CYGB: variants seen among roughly 807,000 people sequenced by gnomAD.
CYGB encodes histoglobin.
Under a neutral mutation model 20.7 loss-of-function variants are expected in CYGB, and 13 were observed. The observed-to-expected ratio is 0.63, with a 90% CI of 0.41 to 1.00. The LOEUF is 1.00. Ranked by LOEUF, CYGB falls within the 50% of genes least tolerant of loss-of-function variation. The probability of loss-of-function intolerance (pLI) is 0.00; values close to 1 mark genes in which losing one functional copy is unlikely to be tolerated. For missense variants in CYGB, 218 were observed against 257.2 expected (o/e 0.85, Z 1.04); for synonymous variants, 93 against 107.4 (o/e 0.87, Z 0.83).
In CYGB at chr17:76,530,951, C is replaced by T; in HGVS notation, c.539+28G>A. The T allele has an allele frequency of 6.5e-7, 1 of 1,541,674 alleles. No individual in the cohort carries two copies. Among genetic ancestry groups the T allele is most frequent in the Non-Finnish European group, 8.8e-7 (1 of 1,140,524 alleles). ...AGCAGAGGACATGGCGGGGAGGCTG[C>T]CCAGCCCACCCTCGCCCGCCTCCTC... On this transcript the variant is annotated intron_variant, in intron 3 of 3. Coordinates refer to ENST00000293230, the MANE Select transcript of CYGB (RefSeq NM_134268.5). The surrounding 1 kb of genome is among the most constrained non-coding windows in gnomAD (Gnocchi z 6.1).
chr17:76,546,870 G>A lies in CYGB; in HGVS notation c.-53+3992C>T, dbSNP rs1269311131. 1 of 152,216 alleles carries A rather than the reference G, an allele frequency of 6.6e-6. No homozygotes were observed. Among genetic ancestry groups the A allele is most frequent in the Admixed American group, 6.5e-5 (1 of 15,282 alleles). The allele number at this position is 152,216 out of a possible 1,614,324, so 9.4% of individuals were successfully genotyped here. A position where few individuals can be genotyped will look rare whatever the true frequency, so the allele number is the denominator to read the frequency against. ...TCATTTATCCAATAAGGAAAGTGAG[G>A]TTCACAGAACTTGCTCAAGGTCACT... is the stretch of plus-strand genomic sequence containing the variant. On this transcript the variant is annotated intron_variant, in intron 1 of 3. Transcript: ENST00000589145. The surrounding 1 kb of genome is among the most constrained non-coding windows in gnomAD (Gnocchi z 4.5).
At chr17:76,549,483 A>C (rs2075086851) in intron 1 of CYGB, among the ~76,000 whole-genome samples, 1 of 152,248 alleles carries the variant, frequency 6.6e-6, no homozygotes, top group Admixed American at 6.5e-5. Flanking sequence ...GACCATAGTA[A>C]GTACTGTCCA....
chr17:76,529,669 T>C (rs2074811382), intron 3 of CYGB: 7 of 985,290 alleles, frequency 7.1e-6, no homozygotes, highest in Non-Finnish European at 8.4e-6. Context: ...GCAAGCCCCC[T>C]CCCCTCCTCT....
intron 3 of CYGB, chr17:76,529,346 C>A (rs1315632265): frequency 1.0e-6 from 1 of 985,318 alleles, no homozygotes; most frequent in Non-Finnish European, 1.2e-6. Context: ...TCCACGGTAG[C>A]CCATCTCCAT....
At chr17:76,532,736 C>T (rs2074862270) in intron 1 of CYGB, among the ~76,000 whole-genome samples, 1 of 151,822 alleles carries the variant, frequency 6.6e-6, no homozygotes, top group South Asian at 2.1e-4. Context: ...AGGGTTTCAC[C>T]ATGTTGGCCA....
Position 76,533,950 on chromosome 17 carries a change from C to T in CYGB, c.144-2259G>A, listed in dbSNP as rs575694214. On this transcript the variant is annotated intron_variant, in intron 1 of 3. Coordinates refer to ENST00000293230, the MANE Select transcript of CYGB (RefSeq NM_134268.5). The surrounding 1 kb of genome is among the most constrained non-coding windows in gnomAD (Gnocchi z 4.5). ...GGAGGCTGCAGCAGGAAGATCCGAT[C>T]GCATCACGAGCCCAGGATTGGAGGC... Among the ~76,000 whole-genome samples, 24 of 151,772 alleles carry T rather than the reference C, an allele frequency of 1.6e-4. No individual in the cohort carries two copies. Among genetic ancestry groups the T allele is most frequent in the African/African-American group, 4.8e-4 (20 of 41,356 alleles).
upstream of CYGB, among the ~76,000 whole-genome samples, chr17:76,539,310 T>A (rs548745578): frequency 2.0e-5 from 3 of 152,344 alleles, no homozygotes; most frequent in South Asian, 6.2e-4. Flanking sequence ...TGTAACTATT[T>A]CTTTTCATCT....
chr17:76,544,253 C>T (rs576935421), intron 1 of CYGB: 12 of 454,546 alleles, frequency 2.6e-5, no homozygotes, highest in African/African-American at 2.0e-4. Flanking sequence ...CCCAGCCCAG[C>T]GGCGATGTCT....
chr17:76,529,678 C>A, intron 3 of CYGB: 1 of 985,416 alleles, frequency 1.0e-6, no homozygotes, highest in Non-Finnish European at 1.2e-6. Context: ...CTCCCCTCCT[C>A]TTCCCCTGTC....
At chr17:76,541,480 C>T (rs2074993072), upstream of CYGB, among the ~76,000 whole-genome samples, 1 of 152,110 alleles carries the variant, frequency 6.6e-6, no homozygotes, top group African/African-American at 2.4e-5. Flanking sequence ...GCAATGTGTC[C>T]CTTAGATATG....
At chr17:76,535,152 C>T (rs1013426405) in intron 1 of CYGB, among the ~76,000 whole-genome samples, 6 of 152,232 alleles carry the variant, frequency 3.9e-5, no homozygotes, top group Admixed American at 6.5e-5. Flanking sequence ...TCTAAAGCAA[C>T]GCCTCCTCCA....
At chr17:76,537,271 G>GA in intron 1 of CYGB, 129 bp downstream of exon 1, 1 of 1,112,866 alleles carries the variant, frequency 9.0e-7, no homozygotes, top group Non-Finnish European at 1.2e-6. Context: ...CTGCTCCGCC[G>GA]ACCTCGGACC....
rs2074935637 is a variant in CYGB, at chr17:76,537,668, G to A, written c.-126C>T. On this transcript the variant is annotated 5_prime_UTR_variant, in exon 1 of 4. Transcript: ENST00000293230. ...GGCGGGCGGGCGAGGGGTAGAGCGC[G>A]GAGGGAGGGAGCGTGTGTCTGTGCG... 2.3e-6 allele frequency: 2 copies of A among 857,480 alleles called. No individual in the cohort carries two copies. Among genetic ancestry groups the A allele is most frequent in the South Asian group, 5.1e-5 (1 of 19,578 alleles). The allele number at this position is 857,480 out of a possible 1,614,324, so 53.1% of individuals were successfully genotyped here.
At position 76,530,318 on chromosome 17, in the gene CYGB, C is replaced by T. The variant is rs572540249; in HGVS notation, c.539+661G>A. Among the ~76,000 whole-genome samples the T allele has an allele frequency of 9.2e-5, 14 of 152,116 alleles. No homozygotes were observed. Among genetic ancestry groups the T allele is most frequent in the African/African-American group, 2.2e-4 (9 of 41,418 alleles). ...CATCTGGGGGCTAGCCCTCCCCTCA[C>T]GCTCCGAGTCAGCAGGAGTCACAGA... On this transcript the variant is annotated intron_variant, in intron 3 of 3. Transcript: ENST00000293230. The surrounding 1 kb of genome is among the most constrained non-coding windows in gnomAD (Gnocchi z 6.1).
rs758675323 is a variant in CYGB, at chr17:76,537,572, T to TCGG, written c.-33_-31dup. ...AGCTCCAAGCCCAGCCCGGCTTTGC[T>TCGG]CGGCGGCGGCGGTGGCGGGGCGCGG... is the stretch of plus-strand genomic sequence containing the variant. On this transcript the variant is annotated 5_prime_UTR_variant, in exon 1 of 4. Coordinates refer to ENST00000293230, the MANE Select transcript of CYGB (RefSeq NM_134268.5). 3 of 1,292,530 alleles carry TCGG rather than the reference T, an allele frequency of 2.3e-6. No homozygotes were observed. The highest frequency in any genetic ancestry group is 3.1e-5 in the African/African-American group (2 of 65,296). 80.1% of individuals were successfully genotyped at this position (1,292,530 alleles called of 1,614,324 possible).
chr17:76,531,580 G>A lies in CYGB; in HGVS notation c.255C>T (p.Val85=). Residue 85 remains valine (V), a synonymous_variant, in exon 2 of 4, where the codon GTC becomes GTT. Transcript: ENST00000293230. This position sits in a 1 kb window ranked among gnomAD's most constrained non-coding sequence, Gnocchi z 7.4. ...SPQLRKHACR[V]MGALNTVVEN... ...CCACGACAGTGTTGAGGGCCCCCATGACTCGGCAGGCGTGCTTCCGCAGCT... is the reference window on the plus strand; with the variant it reads ...CCACGACAGTGTTGAGGGCCCCCATAACTCGGCAGGCGTGCTTCCGCAGCT... The A allele has an allele frequency of 1.2e-6, 2 of 1,614,080 alleles. No individual in the cohort carries two copies. The highest frequency in any genetic ancestry group is 2.7e-5 in the African/African-American group (2 of 75,066).
At chr17:76,529,853 C>G (rs1369772683) in intron 3 of CYGB, 1 of 985,186 alleles carries the variant, frequency 1.0e-6, no homozygotes, top group African/African-American at 1.7e-5. Flanking sequence ...CTGGAGTTGG[C>G]TTGGCTCCAG....
At chr17:76,543,639 C>T (rs1048276993) in intron 1 of CYGB, among the ~76,000 whole-genome samples, 2 of 152,232 alleles carry the variant, frequency 1.3e-5, no homozygotes, top group Admixed American at 1.3e-4. Flanking sequence ...CAGGCGGCCT[C>T]CCCCTGGAAC....
chr17:76,542,667 G>A (rs773186665), upstream of CYGB: 4 of 1,403,380 alleles, frequency 2.9e-6, no homozygotes, highest in Admixed American at 6.8e-5. Flanking sequence ...GAGGGCAGAG[G>A]GCAAGGCTTG....
Sources: gnomAD v4.1 joint callset for allele counts (sites outside exome capture counted in the v4.1 genomes callset) on GRCh38, gnomAD v4.1.1 for gene constraint, Gnocchi (gnomAD v3.1) non-coding constraint, MANE v1.5 for transcripts, NCBI Gene and HGNC (gene_info 2026-07-23, HGNC 2026-07-21) for gene names.